ZNF318: variants seen among roughly 807,000 people sequenced by gnomAD.
ZNF318 encodes the protein endocrine regulator.
In ZNF318, 51 loss-of-function variants were observed where a neutral mutation model predicts 124.2. The ratio of observed to expected loss-of-function variants is 0.41; its 90% CI spans 0.33 to 0.52. The LOEUF is 0.52. ZNF318 is among the 20% of genes least tolerant of loss of function. The pLI is 0.23. For synonymous variants in ZNF318, 1,090 were observed against 1,040.7 expected (o/e 1.05, Z -0.91); for missense variants, 2,815 against 2,811.2 (o/e 1.00, Z -0.03).
chr6:43,340,161 C>T lies in ZNF318; in HGVS notation c.3837G>A (p.Lys1279=). Residue 1279 remains lysine, a synonymous_variant, in exon 10 of 10, where the codon AAG becomes AAA. Transcript: ENST00000361428. ...TTTTCTCCTCTTCTTTTTCTGGCTT[C>T]TTCCAGCTGAATTTCCCAAAAGAAG... ...TSSSFGKFSW[K]KPEKEEEKSS... The T allele has an allele frequency of 1.2e-6, 2 of 1,614,138 alleles. No individual in the cohort carries two copies. Among genetic ancestry groups the T allele is most frequent in the Non-Finnish European group, 8.5e-7 (1 of 1,180,038 alleles).
Position 43,338,252 on chromosome 6 carries a change from C to T in ZNF318, c.5746G>A (p.Val1916Ile). The change falls in exon 10 of 10, where the codon GTT becomes ATT. Residue 1916 changes from valine to isoleucine, a missense_variant. Coordinates refer to ENST00000361428, the MANE Select transcript of ZNF318 (RefSeq NM_014345.3). ...GSPQEQGVSV[V>I]SEEGLENSAP... is the part of the protein sequence containing the mutation. ...GAATTCTCTAGCCCCTCCTCACTAACAACTGAAACTCCTTGCTCTTGTGGA... is the reference window on the plus strand; with the variant it reads ...GAATTCTCTAGCCCCTCCTCACTAATAACTGAAACTCCTTGCTCTTGTGGA... 6.2e-7 allele frequency: 1 copy of T among 1,614,148 alleles called. No homozygotes were observed. The highest frequency in any genetic ancestry group is 2.2e-5 in the East Asian group (1 of 44,888).
intron 3 of ZNF318, 109 bp downstream of exon 3, chr6:43,357,017 C>T: frequency 2.3e-6 from 3 of 1,321,038 alleles, no homozygotes; most frequent in Admixed American, 2.4e-5. Context: ...AATGTCGGTC[C>T]AGCACATATT....
At chr6:43,367,182 T>C (rs1432061067) in intron 1 of ZNF318, among the ~76,000 whole-genome samples, 1 of 152,232 alleles carries the variant, frequency 6.6e-6, no homozygotes, top group African/African-American at 2.4e-5. Flanking sequence ...TTCTTAGTAC[T>C]TAATTACATT....
chr6:43,346,181 CAAAAAAAAAAAA>C (rs150168420), intron 6 of ZNF318, among the ~76,000 whole-genome samples: 21 of 72,122 alleles, frequency 2.9e-4, no homozygotes, highest in Admixed American at 1.9e-3. Context: ...GACTCTGTTT[CAAAAAAAAAAAA>C]AAAAAAAAAA....
Position 43,339,847 on chromosome 6 carries a change from G to A in ZNF318, c.4151C>T (p.Thr1384Ile). The change falls in exon 10 of 10, where the codon ACC becomes ATC. Residue 1384 changes from threonine (T) to isoleucine (I), a missense_variant. By Grantham distance (89) the Thr-to-Ile change is moderately conservative. Coordinates refer to ENST00000361428, the MANE Select transcript of ZNF318 (RefSeq NM_014345.3). This position sits in a 1 kb window ranked among gnomAD's most constrained non-coding sequence, Gnocchi z 4.2. ...NTFLSIKSSGTTAKPLPVVKE... is the reference protein window; with the variant it reads ...NTFLSIKSSGITAKPLPVVKE... ...AACCACTGGCAGAGGTTTAGCAGTGGTTCCAGAGGACTTAATAGACAGAAA... is the reference window on the plus strand; with the variant it reads ...AACCACTGGCAGAGGTTTAGCAGTGATTCCAGAGGACTTAATAGACAGAAA... 6.2e-7 allele frequency: 1 copy of A among 1,614,200 alleles called. No individual in the cohort carries two copies. The highest frequency in any genetic ancestry group is 8.5e-7 in the Non-Finnish European group (1 of 1,180,036).
At chr6:43,366,513 C>T (rs1779763288) in intron 1 of ZNF318, among the ~76,000 whole-genome samples, 2 of 152,066 alleles carry the variant, frequency 1.3e-5, no homozygotes, top group Non-Finnish European at 2.9e-5. Flanking sequence ...TTTAACTCCC[C>T]GGGCCAGGCA....
At chr6:43,346,695 C>T (rs1183785076) in intron 6 of ZNF318, among the ~76,000 whole-genome samples, 1 of 151,946 alleles carries the variant, frequency 6.6e-6, no homozygotes, top group Non-Finnish European at 1.5e-5. Flanking sequence ...GAGGTGGTAT[C>T]CAAATTGGGC....
In ZNF318 at chr6:43,356,031, T is replaced by C; in HGVS notation, c.1303A>G (p.Lys435Glu). Residue 435 changes from lysine to glutamate, a missense_variant, in exon 4 of 10, where the codon AAG (lysine) becomes GAG (glutamate). Around this residue, in one of 4 missense-constraint regions of ZNF318, gnomAD observed 1,377 missense variants for 1,353.5 expected, o/e 1.02. Coordinates refer to ENST00000361428, the MANE Select transcript of ZNF318 (RefSeq NM_014345.3). ...AAGGCAGTCTCTACCATAGTCCCCTTGTTTTCAATCTCTGAGGCAAAAGCA... is the reference window on the plus strand; with the variant it reads ...AAGGCAGTCTCTACCATAGTCCCCTCGTTTTCAATCTCTGAGGCAAAAGCA... ...IAAFASEIEN[K>E]GTMVETALKE... 1 of 1,614,210 alleles carries C rather than the reference T, an allele frequency of 6.2e-7. No homozygotes were observed. The highest frequency in any genetic ancestry group is 8.5e-7 in the Non-Finnish European group (1 of 1,180,034).
At position 43,357,914 on chromosome 6, in the gene ZNF318, T is replaced by C. The variant is rs544889690; in HGVS notation, c.549-149A>G. Reference sequence around the variant, plus strand: ...AAGTCCAAGAACATTTCCTCTCCCTTTCCCCAGGGGAACAAGCAGCTTTAG... The same window carrying C: ...AAGTCCAAGAACATTTCCTCTCCCTCTCCCCAGGGGAACAAGCAGCTTTAG... On this transcript the variant is annotated intron_variant, in intron 2 of 9. Transcript: ENST00000361428. 5 of 707,482 alleles carry C rather than the reference T, an allele frequency of 7.1e-6. No homozygotes were observed. In the East Asian group the frequency reaches 1.1e-4, roughly 15 times the overall value. The allele number at this position is 707,482 out of a possible 1,614,324, so 43.8% of individuals were successfully genotyped here. A position where few individuals can be genotyped will look rare whatever the true frequency, so the allele number is the denominator to read the frequency against.
chr6:43,363,622 T>C (rs1779716833), intron 2 of ZNF318: 2 of 436,306 alleles, frequency 4.6e-6, no homozygotes, highest in South Asian at 5.5e-5. Flanking sequence ...GCTGGGCTGC[T>C]TGGTTAAGGA....
At chr6:43,365,024 T>C (rs1779740359) in intron 2 of ZNF318, among the ~76,000 whole-genome samples, 2 of 152,264 alleles carry the variant, frequency 1.3e-5, no homozygotes, top group South Asian at 4.1e-4. Context: ...ACTCTGATTA[T>C]GTCCCCTCAG....
At chr6:43,348,704 C>T (rs972715300) in intron 5 of ZNF318, 79 bp from the exon 6 acceptor site, 2 of 1,490,924 alleles carry the variant, frequency 1.3e-6, no homozygotes, top group African/African-American at 1.4e-5. Context: ...AATAATTTGT[C>T]AGGGCTTTAT....
chr6:43,368,985 TG>T lies in ZNF318; in HGVS notation c.380del (p.Pro127GlnfsTer22). 1 of 1,433,574 alleles carries T rather than the reference TG, an allele frequency of 7.0e-7. No individual in the cohort carries two copies. The highest frequency in any genetic ancestry group is 1.3e-5 in the South Asian group (1 of 74,124). The allele number at this position is 1,433,574 out of a possible 1,614,324, so 88.8% of individuals were successfully genotyped here. A position where few individuals can be genotyped will look rare whatever the true frequency, so the allele number is the denominator to read the frequency against. ...DYARDGRGDH[P>X]GDSGSRRRSP... ...GGATTACCCGGCTGCCGCTGTCGCC[TG>T]GATGGTCTCCGCGGCCGTCCCGGGC... On this transcript the variant is annotated frameshift_variant, in exon 1 of 10. Coordinates refer to ENST00000361428, the MANE Select transcript of ZNF318 (RefSeq NM_014345.3). LOFTEE classifies it high-confidence loss of function.
Position 43,339,933 on chromosome 6 carries a change from T to C in ZNF318, c.4065A>G (p.Pro1355=). Residue 1355 remains proline (P), a synonymous_variant, in exon 10 of 10, where the codon CCA becomes CCG. Coordinates refer to ENST00000361428, the MANE Select transcript of ZNF318 (RefSeq NM_014345.3). This position sits in a 1 kb window ranked among gnomAD's most constrained non-coding sequence, Gnocchi z 4.2. Reference sequence around the variant, plus strand: ...AACATGACTTGCGGAGTACTGTGGATGGAATAGGCAGGTTGGGTCGGATCT... The same window carrying C: ...AACATGACTTGCGGAGTACTGTGGACGGAATAGGCAGGTTGGGTCGGATCT... ...QTKIRPNLPI[P]STVLRKSCSA... is the part of the protein sequence containing the mutation. 7 of 1,614,148 alleles carry C rather than the reference T, an allele frequency of 4.3e-6. No individual in the cohort carries two copies. Among genetic ancestry groups the C allele is most frequent in the Non-Finnish European group, 5.9e-6 (7 of 1,180,022 alleles).
chr6:43,354,922 C>T lies in ZNF318; in HGVS notation c.2412G>A (p.Met804Ile). 6.2e-7 allele frequency: 1 copy of T among 1,611,396 alleles called. No individual in the cohort carries two copies. The highest frequency in any genetic ancestry group is 8.5e-7 in the Non-Finnish European group (1 of 1,178,216). Reference sequence around the variant, plus strand: ...GGTTTGACGGTTGAGAGGTGGGATACATGGGCCATCTGGAGGCTGCATATG... The same window carrying T: ...GGTTTGACGGTTGAGAGGTGGGATATATGGGCCATCTGGAGGCTGCATATG... ...YMAYAASRWPMYPTSQPSNHP... is the reference protein window; with the variant it reads ...YMAYAASRWPIYPTSQPSNHP... The change falls in exon 4 of 10, where the codon ATG (methionine) becomes ATA (isoleucine). Residue 804 changes from methionine (M) to isoleucine (I), a missense_variant. Met to Ile is a conservative substitution (Grantham distance 10, BLOSUM62 1). Around this residue, in one of 4 missense-constraint regions of ZNF318, gnomAD observed 1,377 missense variants for 1,353.5 expected, o/e 1.02. Coordinates refer to ENST00000361428, the MANE Select transcript of ZNF318 (RefSeq NM_014345.3).
At chr6:43,347,117 T>C (rs1441724473) in intron 6 of ZNF318, among the ~76,000 whole-genome samples, 1 of 152,124 alleles carries the variant, frequency 6.6e-6, no homozygotes, top group Non-Finnish European at 1.5e-5. Flanking sequence ...AAAGGATGAA[T>C]TGGAGTTAGA....
rs1779622637 is a variant in ZNF318, at chr6:43,357,316, C to T, written c.998G>A (p.Arg333Lys). The change falls in exon 3 of 10, where the codon AGG (arginine) becomes AAG (lysine). Residue 333 changes from arginine to lysine, a missense_variant. Coordinates refer to ENST00000361428, the MANE Select transcript of ZNF318 (RefSeq NM_014345.3). ...RKREEEEERS[R>K]SLSQELVGVD... ...TCCAACCAGCTCCTGACTCAAGCTC[C>T]TACTTCGCTCCTCCTCTTCCTCTCG... 6.2e-7 allele frequency: 1 copy of T among 1,614,192 alleles called. No homozygotes were observed. Among genetic ancestry groups the T allele is most frequent in the South Asian group, 1.1e-5 (1 of 91,084 alleles).
intron 8 of ZNF318, among the ~76,000 whole-genome samples, chr6:43,341,531 T>C (rs1193592000): frequency 6.6e-6 from 1 of 151,918 alleles, no homozygotes; most frequent in African/African-American, 2.4e-5. Context: ...GCGCCTGTAG[T>C]CCCAGCTACT....
rs931806707 is a variant in ZNF318, at chr6:43,339,845, T to C, written c.4153A>G (p.Thr1385Ala). 11 of 1,614,040 alleles carry C rather than the reference T, an allele frequency of 6.8e-6. No homozygotes were observed. The Admixed American group carries it at 1.5e-4, about 22-fold the overall frequency. Residue 1385 changes from threonine (T) to alanine (A), a missense_variant, in exon 10 of 10, where the codon ACT becomes GCT. Physicochemically the swap from Thr to Ala is moderately conservative, Grantham distance 58. This residue lies in a region of ZNF318 where 500 missense variants were observed against 605.2 expected (regional missense o/e 0.83). Coordinates refer to ENST00000361428, the MANE Select transcript of ZNF318 (RefSeq NM_014345.3). The surrounding 1 kb of genome is among the most constrained non-coding windows in gnomAD (Gnocchi z 4.2). ...TFLSIKSSGT[T>A]AKPLPVVKES... The stretch of plus-strand genomic sequence containing the variant: ...TTAACCACTGGCAGAGGTTTAGCAG[T>C]GGTTCCAGAGGACTTAATAGACAGA...
Sources: gnomAD v4.1 joint callset for allele counts (sites outside exome capture counted in the v4.1 genomes callset) on GRCh38, gnomAD v4.1.1 for gene constraint, gnomAD v4.1.1 regional missense constraint, Gnocchi (gnomAD v3.1) non-coding constraint, MANE v1.5 for transcripts, NCBI Gene and HGNC (gene_info 2026-07-23, HGNC 2026-07-21) for gene names.